The following TCERG1L variants were observed in gnomAD, a reference collection of about 807,000 sequenced individuals.
TCERG1L encodes transcription elongation regulator 1-like protein.
TCERG1L carries 37 observed loss-of-function variants against 56.3 expected under a neutral mutation model. The observed-to-expected ratio is 0.66, with a 90% CI of 0.51 to 0.87. TCERG1L has a LOEUF of 0.87. Ranked by LOEUF, TCERG1L falls within the 40% of genes least tolerant of loss-of-function variation. The probability of loss-of-function intolerance (pLI) is 0.00; values close to 1 mark genes in which losing one functional copy is unlikely to be tolerated. For missense variants in TCERG1L, 799 were observed against 774.2 expected (o/e 1.03, Z -0.38); for synonymous variants, 324 against 326.3 (o/e 0.99, Z 0.08).
chr10:131,169,647 G>A (rs539336828), intron 4 of TCERG1L, among the ~76,000 whole-genome samples: 7 of 152,266 alleles, frequency 4.6e-5, no homozygotes, highest in South Asian at 2.1e-4. Flanking sequence ...TGGAGGGGTC[G>A]TGCACGGAAA....
At chr10:131,182,769 C>T (rs1589740039) in intron 4 of TCERG1L, among the ~76,000 whole-genome samples, 1 of 152,212 alleles carries the variant, frequency 6.6e-6, no homozygotes, top group South Asian at 2.1e-4. Context: ...TTTATTTTCA[C>T]ATTTAGAAGT....
rs1363682340 is a variant in TCERG1L at position 131,311,105 on chromosome 10, C to T, written c.342+189G>A. Among the ~76,000 whole-genome samples the T allele has an allele frequency of 6.6e-6, 1 of 152,092 alleles. No homozygotes were observed. The highest frequency in any genetic ancestry group is 1.5e-5 in the Non-Finnish European group (1 of 68,008). ...CACCTGCCAAAGCTGCGGAGGTGGACGACCGGGCGTCCAAGCACGAACTTT... is the reference window on the plus strand; with the variant it reads ...CACCTGCCAAAGCTGCGGAGGTGGATGACCGGGCGTCCAAGCACGAACTTT... On this transcript the variant is annotated intron_variant, in intron 1 of 11. Coordinates refer to ENST00000368642, the MANE Select transcript of TCERG1L (RefSeq NM_174937.4). This position sits in a 1 kb window ranked among gnomAD's most constrained non-coding sequence, Gnocchi z 4.0.
chr10:131,293,580 C>T (rs1054682996), intron 3 of TCERG1L, among the ~76,000 whole-genome samples: 1 of 152,048 alleles, frequency 6.6e-6, no homozygotes, highest in Non-Finnish European at 1.5e-5. Flanking sequence ...ATTCCCACCC[C>T]ACCATAAAAC....
intron 4 of TCERG1L, among the ~76,000 whole-genome samples, chr10:131,249,798 G>A (rs1412281697): frequency 1.3e-5 from 2 of 152,172 alleles, no homozygotes; most frequent in East Asian, 1.9e-4. Context: ...CTGAGCAGCC[G>A]AGGCTGTGCT....
chr10:131,159,359 G>A (rs938093765), intron 6 of TCERG1L, among the ~76,000 whole-genome samples: 1 of 152,154 alleles, frequency 6.6e-6, no homozygotes, highest in African/African-American at 2.4e-5. Context: ...TGTTGTTGAG[G>A]CCCCTCCCCA....
chr10:131,142,341 G>A (rs890461326), intron 7 of TCERG1L, among the ~76,000 whole-genome samples: 1 of 152,180 alleles, frequency 6.6e-6, no homozygotes, highest in African/African-American at 2.4e-5. Flanking sequence ...CAAGTGCCCC[G>A]GCTGCCTGGG....
chr10:131,189,014 A>G (rs1180915869), intron 4 of TCERG1L, among the ~76,000 whole-genome samples: 2 of 152,216 alleles, frequency 1.3e-5, no homozygotes, highest in African/African-American at 4.8e-5. Context: ...TCTTTGAGAT[A>G]CAGGCAAATA....
Position 131,100,717 on chromosome 10 carries a change from C to G in TCERG1L, c.1486-2293G>C, listed in dbSNP as rs1461543826. 1.2e-4 allele frequency among the ~76,000 whole-genome samples: 18 copies of G among 152,362 alleles called. 1 individual carries two copies. In the South Asian group the frequency reaches 3.7e-3, roughly 32 times the overall value. ...CAGAGGAAGGGCTGTGATTTTCACACCAGGGGCCTTAGCTTTCCCCATGAA... is the reference window on the plus strand; with the variant it reads ...CAGAGGAAGGGCTGTGATTTTCACAGCAGGGGCCTTAGCTTTCCCCATGAA... On this transcript the variant is annotated intron_variant, in intron 10 of 11. Coordinates refer to ENST00000368642, the MANE Select transcript of TCERG1L (RefSeq NM_174937.4).
At chr10:131,106,629 C>T (rs1374607621) in intron 9 of TCERG1L, among the ~76,000 whole-genome samples, 1 of 152,098 alleles carries the variant, frequency 6.6e-6, no homozygotes, top group Non-Finnish European at 1.5e-5. Flanking sequence ...TGAGCATTGT[C>T]TTGAGAGACA....
chr10:131,134,294 T>A, intron 8 of TCERG1L, 85 bp downstream of exon 8: 1 of 1,217,214 alleles, frequency 8.2e-7, no homozygotes, highest in Non-Finnish European at 1.2e-6. Context: ...TCATAGTCAA[T>A]GTGGTCAAAA....
intron 3 of TCERG1L, among the ~76,000 whole-genome samples, chr10:131,307,599 A>G (rs1035201665): frequency 6.6e-6 from 1 of 152,246 alleles, no homozygotes. Flanking sequence ...TTAAAAATTC[A>G]TAAGATGATT....
chr10:131,236,218 AG>A (rs1253676746), intron 4 of TCERG1L, among the ~76,000 whole-genome samples: 1 of 152,238 alleles, frequency 6.6e-6, no homozygotes, highest in Non-Finnish European at 1.5e-5. Flanking sequence ...CCTATATAAA[AG>A]GGGATCATAT....
chr10:131,104,618 C>T (rs564967718), intron 9 of TCERG1L, among the ~76,000 whole-genome samples: 17 of 152,240 alleles, frequency 1.1e-4, no homozygotes, highest in African/African-American at 3.9e-4. Flanking sequence ...CGATCTGAAA[C>T]CCCAATTATA....
intron 9 of TCERG1L, among the ~76,000 whole-genome samples, chr10:131,111,367 A>C (rs1200364194): frequency 7.0e-6 from 1 of 142,870 alleles, no homozygotes; most frequent in African/African-American, 2.5e-5. Flanking sequence ...AGGGCCCCCA[A>C]ACATGGCGAA....
intron 4 of TCERG1L, among the ~76,000 whole-genome samples, chr10:131,210,849 C>A (rs1381539620): frequency 3.3e-5 from 5 of 152,200 alleles, no homozygotes; most frequent in South Asian, 2.1e-4. Context: ...AGCAACAGTA[C>A]ACAGTTCCCC....
intron 3 of TCERG1L, among the ~76,000 whole-genome samples, chr10:131,273,586 G>A (rs565344118): frequency 3.9e-5 from 6 of 152,318 alleles, no homozygotes; most frequent in South Asian, 2.1e-4. Context: ...CAGCTTTCCC[G>A]CCTCCATCCA....
At chr10:131,299,708 G>T (rs1397507641) in intron 3 of TCERG1L, among the ~76,000 whole-genome samples, 1 of 151,970 alleles carries the variant, frequency 6.6e-6, no homozygotes, top group Non-Finnish European at 1.5e-5. Flanking sequence ...TGAATTTAAA[G>T]ACATACTTAT....
intron 4 of TCERG1L, among the ~76,000 whole-genome samples, chr10:131,199,106 C>T (rs1383311306): frequency 6.6e-6 from 1 of 152,200 alleles, no homozygotes; most frequent in Non-Finnish European, 1.5e-5. Flanking sequence ...GCTCTCTGGG[C>T]CTGTGAAGGA....
chr10:131,128,008 T>C (rs1408141631), intron 8 of TCERG1L, among the ~76,000 whole-genome samples: 3 of 152,092 alleles, frequency 2.0e-5, no homozygotes, highest in African/African-American at 7.2e-5. Context: ...AAAAAGAAGC[T>C]AAATAGTAAA....
Sources: gnomAD v4.1 joint callset for allele counts (sites outside exome capture counted in the v4.1 genomes callset) on GRCh38, gnomAD v4.1.1 for gene constraint, Gnocchi (gnomAD v3.1) non-coding constraint, MANE v1.5 for transcripts, NCBI Gene and HGNC (gene_info 2026-07-23, HGNC 2026-07-21) for gene names.